BRIP1: variants seen among roughly 807,000 people sequenced by gnomAD.
The protein encoded by BRIP1 is BRCA1 interacting DNA helicase 1, also known as Fanconi anemia group J protein.
Under a neutral mutation model 119.7 loss-of-function variants are expected in BRIP1, and 88 were observed. That is an observed-to-expected ratio of 0.74 (90% CI 0.62 to 0.88). BRIP1 has a LOEUF of 0.88. Ranked by LOEUF, BRIP1 falls within the 40% of genes least tolerant of loss-of-function variation. The pLI, the probability that BRIP1 is intolerant of heterozygous loss-of-function variation, is 0.00. For missense variants in BRIP1, 1,259 were observed against 1,455.4 expected, an observed-to-expected ratio of 0.87 and a Z score of 2.20; for synonymous variants, 443 against 496.5, an observed-to-expected ratio of 0.89 and a Z score of 1.43.
rs1473645522 is a variant in BRIP1, at chr17:61,860,047, T to C, written c.94-140A>G. 3.0e-6 allele frequency: 2 copies of C among 667,560 alleles called. No individual in the cohort carries two copies. Among genetic ancestry groups the C allele is most frequent in the African/African-American group, 3.6e-5 (2 of 55,526 alleles). The allele number at this position is 667,560 out of a possible 1,614,324, so 41.4% of individuals were successfully genotyped here. ...CAACAATAGCAGAAGGAACTCATAT[T>C]TAGTTAAATCCAAACTGTATTCCTT... On this transcript the variant is annotated intron_variant, in intron 2 of 19. Coordinates refer to ENST00000259008, the MANE Select transcript of BRIP1 (RefSeq NM_032043.3). This position sits in a 1 kb window ranked among gnomAD's most constrained non-coding sequence, Gnocchi z 4.1.
At chr17:61,847,016 A>C (rs2078743590) in intron 6 of BRIP1, 85 bp downstream of exon 6, 16 of 1,533,064 alleles carry the variant, frequency 1.0e-5, no homozygotes, top group Non-Finnish European at 1.4e-5. Context: ...TTTGTATTAT[A>C]CTATTGTTCC....
chr17:61,707,031 ATTTTT>A (rs202244837), intron 17 of BRIP1, among the ~76,000 whole-genome samples: 1 of 148,630 alleles, frequency 6.7e-6, no homozygotes, highest in East Asian at 2.0e-4. Context: ...TCCTTTTTAA[ATTTTT>A]TTTTTTTATT....
Position 61,841,795 on chromosome 17 carries a change from C to T in BRIP1, c.627+5306G>A, listed in dbSNP as rs576799784. Among the ~76,000 whole-genome samples the T allele has an allele frequency of 6.6e-6, 1 of 152,264 alleles. No homozygotes were observed. Among genetic ancestry groups the T allele is most frequent in the East Asian group, 1.9e-4 (1 of 5,180 alleles). ...TAGAGTCAAGTGATCGCCCATGCCTCAGCCTCCCAAGTAGCTAGGACTGCA... is the reference window on the plus strand; with the variant it reads ...TAGAGTCAAGTGATCGCCCATGCCTTAGCCTCCCAAGTAGCTAGGACTGCA... On this transcript the variant is annotated intron_variant, in intron 6 of 19. Coordinates refer to ENST00000259008, the MANE Select transcript of BRIP1 (RefSeq NM_032043.3). This position sits in a 1 kb window ranked among gnomAD's most constrained non-coding sequence, Gnocchi z 4.1.
rs539506761 is a variant in BRIP1, at chr17:61,841,356, CAAA to C, written c.627+5742_627+5744del. Among the ~76,000 whole-genome samples the C allele has an allele frequency of 2.1e-4, 28 of 131,176 alleles. No individual in the cohort carries two copies. Among genetic ancestry groups the C allele is most frequent in the Non-Finnish European group, 4.3e-4 (26 of 60,290 alleles). The allele number at this position is 131,176 out of a possible 152,430, so 86.1% of individuals were successfully genotyped here. A position where few individuals can be genotyped will look rare whatever the true frequency, so the allele number is the denominator to read the frequency against. Reference sequence around the variant, plus strand: ...CCAGAATATACAAGGAACTCAACAGCAAAAAAAAAAAAATCTGATTTTAAAATA... The same window carrying C: ...CCAGAATATACAAGGAACTCAACAGCAAAAAAAAAATCTGATTTTAAAATA... On this transcript the variant is annotated intron_variant, in intron 6 of 19. Coordinates refer to ENST00000259008, the MANE Select transcript of BRIP1 (RefSeq NM_032043.3). The surrounding 1 kb of genome is among the most constrained non-coding windows in gnomAD (Gnocchi z 4.1).
chr17:61,844,314 G>A lies in BRIP1; in HGVS notation c.627+2787C>T, dbSNP rs570695519. ...ATAAAAACAAAACAAGCCAGGTGCA[G>A]TGATTCATGCCTATAATCCCAAAAC... is the stretch of plus-strand genomic sequence containing the variant. On this transcript the variant is annotated intron_variant, in intron 6 of 19. Coordinates refer to ENST00000259008, the MANE Select transcript of BRIP1 (RefSeq NM_032043.3). The surrounding 1 kb of genome is among the most constrained non-coding windows in gnomAD (Gnocchi z 4.7). Among the ~76,000 whole-genome samples, 3 of 152,300 alleles carry A rather than the reference G, an allele frequency of 2.0e-5. No homozygotes were observed. In the South Asian group the frequency reaches 6.2e-4, roughly 32 times the overall value.
rs2078378713 is a variant in BRIP1, at chr17:61,824,679, T to C, written c.628-15922A>G. ...TCTACATGGATCAAAACCTTAAATA[T>C]AAAAGCTAAAACCATAAAACTTTTC... On this transcript the variant is annotated intron_variant, in intron 6 of 19. Transcript: ENST00000259008. This position sits in a 1 kb window ranked among gnomAD's most constrained non-coding sequence, Gnocchi z 4.3. Among the ~76,000 whole-genome samples the C allele has an allele frequency of 6.6e-6, 1 of 152,096 alleles. No individual in the cohort carries two copies. Among genetic ancestry groups the C allele is most frequent in the Admixed American group, 6.6e-5 (1 of 15,266 alleles).
chr17:61,763,370 A>G (rs543641961), intron 14 of BRIP1, among the ~76,000 whole-genome samples: 1 of 152,192 alleles, frequency 6.6e-6, no homozygotes, highest in Non-Finnish European at 1.5e-5. Flanking sequence ...TGTCCACTCA[A>G]TTTTGCTGTG....
rs986172313 is a variant in BRIP1, at chr17:61,856,052, G to A, written c.379+1006C>T. The stretch of plus-strand genomic sequence containing the variant: ...TGAAGATGGAACTTTGCTCAGAAGA[G>A]ACACTAATAGAAGCAAAGGCTCTGA... On this transcript the variant is annotated intron_variant, in intron 4 of 19. Coordinates refer to ENST00000259008, the MANE Select transcript of BRIP1 (RefSeq NM_032043.3). The surrounding 1 kb of genome is among the most constrained non-coding windows in gnomAD (Gnocchi z 5.1). Among the ~76,000 whole-genome samples the A allele has an allele frequency of 6.6e-6, 1 of 152,180 alleles. No individual in the cohort carries two copies. The highest frequency in any genetic ancestry group is 2.4e-5 in the African/African-American group (1 of 41,440).
In BRIP1 at chr17:61,807,214, A is replaced by T. The variant is rs114395815; in HGVS notation, c.918+1253T>A. 5.3e-4 allele frequency among the ~76,000 whole-genome samples: 80 copies of T among 152,314 alleles called. 1 individual carries two copies. The highest frequency in any genetic ancestry group is 1.9e-3 in the African/African-American group (77 of 41,568). On this transcript the variant is annotated intron_variant, in intron 7 of 19. Coordinates refer to ENST00000259008, the MANE Select transcript of BRIP1 (RefSeq NM_032043.3). The surrounding 1 kb of genome is among the most constrained non-coding windows in gnomAD (Gnocchi z 4.5). ...GTTTTACCATAAAGAGCTTTATTTTATTATTTTTGAACACCTGACACTTAA... is the reference window on the plus strand; with the variant it reads ...GTTTTACCATAAAGAGCTTTATTTTTTTATTTTTGAACACCTGACACTTAA...
Position 61,825,264 on chromosome 17 carries a change from G to C in BRIP1, c.628-16507C>G, listed in dbSNP as rs2078387582. Among the ~76,000 whole-genome samples the C allele has an allele frequency of 6.6e-6, 1 of 150,666 alleles. No individual in the cohort carries two copies. The highest frequency in any genetic ancestry group is 6.6e-5 in the Admixed American group (1 of 15,060). On this transcript the variant is annotated intron_variant, in intron 6 of 19. Coordinates refer to ENST00000259008, the MANE Select transcript of BRIP1 (RefSeq NM_032043.3). The surrounding 1 kb of genome is among the most constrained non-coding windows in gnomAD (Gnocchi z 4.1). ...TGTGCCACTGCACTCCAGCCTGGGCGACAGAGCAAGACTCTGTCTCAAAAC... is the reference window on the plus strand; with the variant it reads ...TGTGCCACTGCACTCCAGCCTGGGCCACAGAGCAAGACTCTGTCTCAAAAC...
chr17:61,829,632 A>C (rs995005341), intron 6 of BRIP1, among the ~76,000 whole-genome samples: 1 of 152,226 alleles, frequency 6.6e-6, no homozygotes, highest in Non-Finnish European at 1.5e-5. Context: ...CAGATCGTCA[A>C]ATTTAAAAGA....
In BRIP1 at chr17:61,769,079, T is replaced by C. The variant is rs1567802092; in HGVS notation, c.2097+7322A>G. 6.6e-6 allele frequency among the ~76,000 whole-genome samples: 1 copy of C among 152,080 alleles called. No individual in the cohort carries two copies. The highest frequency in any genetic ancestry group is 1.5e-5 in the Non-Finnish European group (1 of 68,018). On this transcript the variant is annotated intron_variant, in intron 14 of 19. Coordinates refer to ENST00000259008, the MANE Select transcript of BRIP1 (RefSeq NM_032043.3). The surrounding 1 kb of genome is among the most constrained non-coding windows in gnomAD (Gnocchi z 4.9). ...GCAAAAGACTGGGTATCTCACTCAGTCCTACGACTACAAGGGATAAATTCT... is the reference window on the plus strand; with the variant it reads ...GCAAAAGACTGGGTATCTCACTCAGCCCTACGACTACAAGGGATAAATTCT...
chr17:61,849,261 T>A lies in BRIP1; in HGVS notation c.380-5A>T, dbSNP rs587782131. 6.2e-7 allele frequency: 1 copy of A among 1,607,778 alleles called. No homozygotes were observed. The highest frequency in any genetic ancestry group is 1.3e-5 in the African/African-American group (1 of 74,682). On this transcript the variant is annotated splice_region_variant and splice_polypyrimidine_tract_variant and intron_variant, in intron 4 of 19. Coordinates refer to ENST00000259008, the MANE Select transcript of BRIP1 (RefSeq NM_032043.3). ...GAGTGGTTTTTTCAGGGGAGTCTTATATAAGTAATTTAAAAAAAACAGCAT... is the reference window on the plus strand; with the variant it reads ...GAGTGGTTTTTTCAGGGGAGTCTTAAATAAGTAATTTAAAAAAAACAGCAT...
At chr17:61,702,873 A>T (rs938595490) in intron 17 of BRIP1, among the ~76,000 whole-genome samples, 2 of 152,170 alleles carry the variant, frequency 1.3e-5, no homozygotes, top group Non-Finnish European at 2.9e-5. Context: ...CTTCTTTCAG[A>T]AATCAACAAA....
chr17:61,785,361 A>C (rs1023993264), intron 10 of BRIP1, among the ~76,000 whole-genome samples: 2 of 152,234 alleles, frequency 1.3e-5, no homozygotes, highest in African/African-American at 4.8e-5. Flanking sequence ...ATAAGAAAAC[A>C]GAAGAGTATG....
rs2061618077 is a variant in BRIP1 at position 61,701,769 on chromosome 17, A to G, written c.2493-8257T>C. 6.6e-6 allele frequency among the ~76,000 whole-genome samples: 1 copy of G among 152,184 alleles called. No individual in the cohort carries two copies. Among genetic ancestry groups the G allele is most frequent in the African/African-American group, 2.4e-5 (1 of 41,446 alleles). On this transcript the variant is annotated intron_variant, in intron 17 of 19. Transcript: ENST00000259008. This position sits in a 1 kb window ranked among gnomAD's most constrained non-coding sequence, Gnocchi z 5.1. Reference sequence around the variant, plus strand: ...CATTGTCTCAGGCAACTGTGAAGTTAAACAGCTGGCTGGGTGAGCTCTGAG... The same window carrying G: ...CATTGTCTCAGGCAACTGTGAAGTTGAACAGCTGGCTGGGTGAGCTCTGAG...
chr17:61,698,461 T>C (rs767506077), intron 17 of BRIP1, among the ~76,000 whole-genome samples: 26 of 152,162 alleles, frequency 1.7e-4, no homozygotes, highest in Non-Finnish European at 3.1e-4. Flanking sequence ...ATTTTCCTGT[T>C]GTTGGGTGAA....
At position 61,804,715 on chromosome 17, in the gene BRIP1, C is replaced by A. The variant is rs200543473; in HGVS notation, c.919-3241G>T. On this transcript the variant is annotated intron_variant, in intron 7 of 19. Transcript: ENST00000259008. The surrounding 1 kb of genome is among the most constrained non-coding windows in gnomAD (Gnocchi z 4.5). Reference sequence around the variant, plus strand: ...TTTTTACAAATACATAATAATTTCCCCATATATATATATTCAAAATATTTT... The same window carrying A: ...TTTTTACAAATACATAATAATTTCCACATATATATATATTCAAAATATTTT... Among the ~76,000 whole-genome samples, 42 of 151,126 alleles carry A rather than the reference C, an allele frequency of 2.8e-4. 2 individuals are homozygous for A. The East Asian group carries it at 8.1e-3, about 29-fold the overall frequency.
At chr17:61,747,752 T>C (rs919665224) in intron 14 of BRIP1, among the ~76,000 whole-genome samples, 8 of 152,188 alleles carry the variant, frequency 5.3e-5, no homozygotes, top group Non-Finnish European at 1.2e-4. Flanking sequence ...TAATTTATTT[T>C]TGAGATACAC....
Sources: gnomAD v4.1 joint callset for allele counts (sites outside exome capture counted in the v4.1 genomes callset) on GRCh38, gnomAD v4.1.1 for gene constraint, Gnocchi (gnomAD v3.1) non-coding constraint, MANE v1.5 for transcripts, NCBI Gene and HGNC (gene_info 2026-07-23, HGNC 2026-07-21) for gene names.